TRPM3: variants seen among roughly 807,000 people sequenced by gnomAD.
TRPM3 encodes the protein transient receptor potential cation channel subfamily M member 3.
Under a neutral mutation model 181.2 loss-of-function variants are expected in TRPM3, and 77 were observed. The ratio of observed to expected loss-of-function variants is 0.42; its 90% CI spans 0.35 to 0.51. The LOEUF is 0.51. TRPM3 is among the 20% of genes least tolerant of loss of function. TRPM3 has a pLI of 0.01. For missense variants in TRPM3, 1,759 were observed against 2,196.7 expected (o/e 0.80, Z 3.98); for synonymous variants, 745 against 796.4 (o/e 0.94, Z 1.09).
intron 8 of TRPM3, among the ~76,000 whole-genome samples, chr9:70,737,633 AAC>A (rs2073035991): frequency 7.4e-6 from 1 of 134,676 alleles, no homozygotes; most frequent in South Asian, 2.7e-4. Flanking sequence ...AGACTCACCT[AAC>A]ACATAAGGAC....
chr9:70,624,789 T>G (rs1238142105), intron 14 of TRPM3, among the ~76,000 whole-genome samples: 6 of 152,220 alleles, frequency 3.9e-5, no homozygotes, highest in African/African-American at 4.8e-5. Flanking sequence ...AACTTATTCT[T>G]TGTTTTTGAA....
chr9:71,291,437 C>T (rs2085800785), intron 1 of TRPM3, among the ~76,000 whole-genome samples: 1 of 152,102 alleles, frequency 6.6e-6, no homozygotes, highest in Non-Finnish European at 1.5e-5. Flanking sequence ...GTAGATTAGA[C>T]ATTGCCTGAT....
At chr9:71,191,449 G>C (rs7029914) in intron 1 of TRPM3, among the ~76,000 whole-genome samples, 64,881 of 151,536 alleles carry the variant, frequency 0.43, 14,312 homozygotes, top group East Asian at 0.52. Context: ...CTCATGGTCT[G>C]TGCTAGAAGC....
intron 1 of TRPM3, among the ~76,000 whole-genome samples, chr9:71,381,980 TA>T (rs1030211659): frequency 1.3e-5 from 2 of 152,068 alleles, no homozygotes; most frequent in Non-Finnish European, 2.9e-5. Context: ...GAGGGGAAGG[TA>T]AAAATTACTG....
chr9:70,836,858 T>C (rs2094355215), intron 5 of TRPM3, among the ~76,000 whole-genome samples: 1 of 152,198 alleles, frequency 6.6e-6, no homozygotes, highest in Non-Finnish European at 1.5e-5. Flanking sequence ...CTATCTCACA[T>C]ACTCACTGGC....
At chr9:71,078,749 G>A (rs541102448) in intron 1 of TRPM3, among the ~76,000 whole-genome samples, 98 of 152,174 alleles carry the variant, frequency 6.4e-4, no homozygotes, top group South Asian at 1.9e-3. Flanking sequence ...GGCCTAATGA[G>A]TATAAAATTT....
intron 1 of TRPM3, among the ~76,000 whole-genome samples, chr9:71,399,061 A>G (rs1291493922): frequency 6.6e-6 from 1 of 152,144 alleles, no homozygotes; most frequent in East Asian, 1.9e-4. Context: ...GTCAATATTT[A>G]TCTTCTAAAA....
chr9:71,310,613 A>AG lies in TRPM3; in HGVS notation c.183+136039dup, dbSNP rs549432053. 3.3e-5 allele frequency among the ~76,000 whole-genome samples: 5 copies of AG among 152,220 alleles called. No homozygotes were observed. The East Asian group carries it at 7.7e-4, about 23-fold the overall frequency. On this transcript the variant is annotated intron_variant, in intron 1 of 24. Transcript: ENST00000357533. ...CCACCAGAGCACATCTTCTCACCCAAGGGGGGTGTCTTGTATGATTAACTA... is the reference window on the plus strand; with the variant it reads ...CCACCAGAGCACATCTTCTCACCCAAGGGGGGGTGTCTTGTATGATTAACTA...
intron 18 of TRPM3, among the ~76,000 whole-genome samples, chr9:70,611,256 G>C (rs1468891215): frequency 6.6e-6 from 1 of 150,700 alleles, no homozygotes; most frequent in Non-Finnish European, 1.5e-5. Flanking sequence ...CCTGCAATTA[G>C]TTAGGTTAGT....
At chr9:71,325,114 T>TTA (rs150983385) in intron 1 of TRPM3, among the ~76,000 whole-genome samples, 7,357 of 152,008 alleles carry the variant, frequency 0.048, 194 homozygotes, top group East Asian at 0.079. Context: ...TCATTGCAAA[T>TTA]TATATATATA....
At chr9:70,894,663 A>G (rs948898332) in intron 1 of TRPM3, among the ~76,000 whole-genome samples, 16 of 151,946 alleles carry the variant, frequency 1.1e-4, no homozygotes, top group African/African-American at 3.9e-4. Context: ...TGAATGCAAG[A>G]TTTGGCTTCT....
At chr9:71,213,451 A>C (rs1352362581) in intron 1 of TRPM3, among the ~76,000 whole-genome samples, 1 of 152,230 alleles carries the variant, frequency 6.6e-6, no homozygotes, top group Non-Finnish European at 1.5e-5. Context: ...GGTTTAGAAC[A>C]AATATGTTTT....
intron 1 of TRPM3, among the ~76,000 whole-genome samples, chr9:71,436,469 A>T (rs894769290): frequency 5.0e-5 from 4 of 79,344 alleles, no homozygotes; most frequent in African/African-American, 2.1e-4. Context: ...TGCCTGGCTA[A>T]TTTTTTGTAT....
In TRPM3 at chr9:70,843,123, A is replaced by G; in HGVS notation, c.681T>C (p.Val227=). ...WIFTGGVNTG[V]IRHVGDALKD... ...TCAAGGCATCGCCAACATGACGAAT[A>G]ACACCTAAAAAAAAAAGAGAAGCAT... The change falls in exon 5 of 26, where the codon GTT becomes GTC. Residue 227 remains valine (V), a synonymous_variant. Coordinates refer to ENST00000677713, the MANE Select transcript of TRPM3 (RefSeq NM_001366145.2). The G allele has an allele frequency of 6.5e-7, 1 of 1,529,418 alleles. No individual in the cohort carries two copies. Among genetic ancestry groups the G allele is most frequent in the Non-Finnish European group, 8.7e-7 (1 of 1,146,102 alleles). The allele number at this position is 1,529,418 out of a possible 1,614,324, so 94.7% of individuals were successfully genotyped here. A position where few individuals can be genotyped will look rare whatever the true frequency, so the allele number is the denominator to read the frequency against.
intron 1 of TRPM3, among the ~76,000 whole-genome samples, chr9:71,273,682 A>C (rs554856652): frequency 4.6e-5 from 7 of 152,312 alleles, no homozygotes; most frequent in African/African-American, 1.7e-4. Context: ...TTGTGTCTAT[A>C]ATCAGTTTGG....
intron 1 of TRPM3, among the ~76,000 whole-genome samples, chr9:71,280,213 A>G (rs534968001): frequency 6.6e-6 from 1 of 152,310 alleles, no homozygotes; most frequent in Admixed American, 6.5e-5. Context: ...GATGGACACC[A>G]GCAACTCAGG....
chr9:71,297,827 C>G (rs2086417881), intron 1 of TRPM3, among the ~76,000 whole-genome samples: 1 of 152,170 alleles, frequency 6.6e-6, no homozygotes, highest in Admixed American at 6.5e-5. Context: ...AGTCTTAGCT[C>G]CATATTCCTT....
At chr9:71,141,589 T>G (rs1221957993) in intron 1 of TRPM3, among the ~76,000 whole-genome samples, 1 of 152,192 alleles carries the variant, frequency 6.6e-6, no homozygotes, top group Admixed American at 6.5e-5. Flanking sequence ...AACACACACC[T>G]GAAATATTTT....
At chr9:70,959,674 G>A (rs1030311498) in intron 1 of TRPM3, among the ~76,000 whole-genome samples, 1 of 152,062 alleles carries the variant, frequency 6.6e-6, no homozygotes, top group African/African-American at 2.4e-5. Context: ...CTATTTCTGG[G>A]GATCTTTCTT....
Sources: allele counts gnomAD v4.1 joint callset (sites outside exome capture counted in the v4.1 genomes callset), GRCh38; gene constraint gnomAD v4.1.1; transcripts MANE v1.5; gene names NCBI Gene and HGNC (gene_info 2026-07-23, HGNC 2026-07-21).